The following EIF5B variants were observed in gnomAD, a reference collection of about 807,000 sequenced individuals.
EIF5B encodes eIF-5B.
EIF5B carries 47 observed loss-of-function variants against 147.5 expected under a neutral mutation model. That is an observed-to-expected ratio of 0.32 (90% confidence interval 0.25 to 0.41). The LOEUF is 0.41. Ranked by LOEUF, EIF5B falls within the 10% of genes least tolerant of loss-of-function variation. EIF5B has a pLI of 1.00. For missense variants in EIF5B, 1,064 were observed against 1,413.2 expected (o/e 0.75, Z 3.96); for synonymous variants, 455 against 456.2 (o/e 1.00, Z 0.03).
rs28382985 is a variant in EIF5B at position 99,399,150 on chromosome 2, A to G, written c.3556-157A>G. The G allele has an allele frequency of 4.4e-3, 3,455 of 791,760 alleles. 8 individuals carry two copies. Among genetic ancestry groups the G allele is most frequent in the Non-Finnish European group, 5.7e-3 (2,880 of 508,000 alleles). 49.0% of individuals were successfully genotyped at this position (791,760 alleles called of 1,614,324 possible). A position where few individuals can be genotyped will look rare whatever the true frequency, so the allele number is the denominator to read the frequency against. ...CCCTCGTGCCTGACATGCAAACCAGATGTGATTTTGGAATTCTACTCCCTT... is the reference window on the plus strand; with the variant it reads ...CCCTCGTGCCTGACATGCAAACCAGGTGTGATTTTGGAATTCTACTCCCTT... On this transcript the variant is annotated intron_variant, in intron 23 of 23. Coordinates refer to ENST00000289371, the MANE Select transcript of EIF5B (RefSeq NM_015904.4).
intron 9 of EIF5B, among the ~76,000 whole-genome samples, chr2:99,374,315 T>C (rs1436934923): frequency 6.8e-6 from 1 of 146,274 alleles, no homozygotes; most frequent in Non-Finnish European, 1.5e-5. Context: ...AAAAAAGATA[T>C]AATTTTTCTC....
chr2:99,377,027 C>A (rs1025307022), intron 10 of EIF5B, among the ~76,000 whole-genome samples: 1 of 152,094 alleles, frequency 6.6e-6, no homozygotes, highest in Non-Finnish European at 1.5e-5. Flanking sequence ...TTATATAAAT[C>A]TGGTGGGTTG....
chr2:99,379,009 TTA>T lies in EIF5B; in HGVS notation c.1843-8_1843-7del. 2.0e-6 allele frequency: 3 copies of T among 1,508,680 alleles called. No individual in the cohort carries two copies. The highest frequency in any genetic ancestry group is 2.3e-5 in the East Asian group (1 of 43,050). 93.5% of individuals were successfully genotyped at this position (1,508,680 alleles called of 1,614,324 possible). A position where few individuals can be genotyped will look rare whatever the true frequency, so the allele number is the denominator to read the frequency against. On this transcript the variant is annotated splice_polypyrimidine_tract_variant and splice_region_variant and intron_variant, in intron 10 of 23. Transcript: ENST00000289371. ...TTTAATTTTTGATTTTTTTTTTTTT[TTA>T]TTTCTAGAAACGGCGACTTGAACAT...
At chr2:99,396,224 T>C (rs1335097638) in intron 21 of EIF5B, among the ~76,000 whole-genome samples, 6 of 152,232 alleles carry the variant, frequency 3.9e-5, no homozygotes, top group African/African-American at 1.4e-4. Context: ...ACAAGACTGC[T>C]GGAAACTTTT....
At chr2:99,383,007 A>G (rs1277690693) in intron 14 of EIF5B, 86 bp downstream of exon 14, 2 of 1,375,090 alleles carry the variant, frequency 1.5e-6, no homozygotes, top group African/African-American at 2.9e-5. Flanking sequence ...TTAACTTACA[A>G]GCATAGCTCA....
At chr2:99,341,849 T>C (rs543120194) in intron 1 of EIF5B, among the ~76,000 whole-genome samples, 20 of 152,356 alleles carry the variant, frequency 1.3e-4, no homozygotes, top group African/African-American at 4.6e-4. Context: ...TATGACTTAA[T>C]AGAAGATAGA....
chr2:99,363,360 G>T (rs1674260264), intron 4 of EIF5B, among the ~76,000 whole-genome samples: 1 of 152,166 alleles, frequency 6.6e-6, no homozygotes, highest in Non-Finnish European at 1.5e-5. Flanking sequence ...TTAGGTACAG[G>T]ATTGCCCTTT....
At chr2:99,364,518 C>A (rs1574927371) in intron 6 of EIF5B, 97 bp downstream of exon 6, 1 of 1,188,396 alleles carries the variant, frequency 8.4e-7, no homozygotes, top group Non-Finnish European at 1.1e-6. Flanking sequence ...TGCATCAGGA[C>A]AGTTCCTATG....
intron 8 of EIF5B, among the ~76,000 whole-genome samples, chr2:99,370,387 CCTTTACA>C (rs1387284727): frequency 2.0e-5 from 3 of 152,146 alleles, no homozygotes; most frequent in African/African-American, 7.2e-5. Flanking sequence ...ATGGGAAAAG[CCTTTACA>C]GAATACTAAG....
Position 99,389,788 on chromosome 2 carries a change from A to C in EIF5B, c.2342A>C (p.Lys781Thr). 1 of 1,613,598 alleles carries C rather than the reference A, an allele frequency of 6.2e-7. No individual in the cohort carries two copies. The highest frequency in any genetic ancestry group is 8.5e-7 in the Non-Finnish European group (1 of 1,179,826). ...GCTGCTACTTTAAAGAAGCAGAAAA[A>C]GAATACAAAAGATGAATTTGAGGAG... is the stretch of plus-strand genomic sequence containing the variant. Reference protein sequence around the residue: ...DVAATLKKQKKNTKDEFEERA... With the variant: ...DVAATLKKQKTNTKDEFEERA... Residue 781 changes from lysine (K) to threonine (T), a missense_variant, in exon 15 of 24, where the codon AAG becomes ACG. Lys to Thr is a moderately conservative substitution (Grantham distance 78). Transcript: ENST00000289371.
At chr2:99,344,733 A>C (rs2094268910) in intron 1 of EIF5B, among the ~76,000 whole-genome samples, 1 of 152,118 alleles carries the variant, frequency 6.6e-6, no homozygotes. Context: ...CACTGCATCC[A>C]GCCGGCACCA....
chr2:99,390,215 C>T lies in EIF5B; in HGVS notation c.2404-4C>T. 2.5e-6 allele frequency: 4 copies of T among 1,613,724 alleles called. No individual in the cohort carries two copies. Among genetic ancestry groups the T allele is most frequent in the Non-Finnish European group, 2.5e-6 (3 of 1,179,816 alleles). ...CTGGCATTTTGGATGATTTTTGCTC[C>T]TAGGGTTTGAATGCTGCTTTGTTTT... On this transcript the variant is annotated splice_polypyrimidine_tract_variant and splice_region_variant and intron_variant, in intron 15 of 23. Coordinates refer to ENST00000289371, the MANE Select transcript of EIF5B (RefSeq NM_015904.4).
intron 1 of EIF5B, among the ~76,000 whole-genome samples, chr2:99,356,063 T>C (rs753534536): frequency 4.6e-5 from 7 of 152,276 alleles, no homozygotes; most frequent in Non-Finnish European, 7.3e-5. Flanking sequence ...ATCAATATTA[T>C]TAAGCGAAGT....
intron 1 of EIF5B, among the ~76,000 whole-genome samples, chr2:99,344,513 T>C (rs901811986): frequency 7.9e-5 from 12 of 151,876 alleles, no homozygotes; most frequent in Non-Finnish European, 1.5e-4. Context: ...CTCTGCTCAC[T>C]GCAACCTCCG....
intron 10 of EIF5B, among the ~76,000 whole-genome samples, chr2:99,377,616 C>T (rs1394587337): frequency 6.6e-6 from 1 of 152,028 alleles, no homozygotes; most frequent in African/African-American, 2.4e-5. Context: ...ACTGTGCTTG[C>T]TGATTAACAA....
chr2:99,398,778 G>C lies in EIF5B; in HGVS notation c.3424G>C (p.Glu1142Gln), dbSNP rs769226834. 48 of 1,613,654 alleles carry C rather than the reference G, an allele frequency of 3.0e-5. No individual in the cohort carries two copies. The East Asian group carries it at 1.0e-3, about 34-fold the overall frequency. Residue 1142 changes from glutamate (E) to glutamine (Q), a missense_variant, in exon 23 of 24, where the codon GAA becomes CAA. By Grantham distance (29) the Glu-to-Gln change is conservative. Coordinates refer to ENST00000289371, the MANE Select transcript of EIF5B (RefSeq NM_015904.4). Reference protein sequence around the residue: ...FVDIGIVTSIEINHKQVDVAK... With the variant: ...FVDIGIVTSIQINHKQVDVAK... ...TGACATCGGAATAGTAACAAGTATT[G>C]AAATAAACCATAAACAAGTGGATGT...
chr2:99,382,334 T>TA, intron 13 of EIF5B, 108 bp downstream of exon 13: 2 of 831,144 alleles, frequency 2.4e-6, no homozygotes, highest in Non-Finnish European at 3.9e-6. Context: ...TCTCTATAAC[T>TA]ACCACTCCAC....
intron 1 of EIF5B, among the ~76,000 whole-genome samples, chr2:99,344,471 C>G (rs1391094871): frequency 2.6e-5 from 4 of 151,296 alleles, no homozygotes; most frequent in African/African-American, 9.7e-5. Flanking sequence ...AAGTCTCACT[C>G]TGTCACCCAG....
intron 1 of EIF5B, among the ~76,000 whole-genome samples, chr2:99,338,971 T>TATACAA (rs1559240166): frequency 6.9e-5 from 10 of 145,004 alleles, no homozygotes; most frequent in South Asian, 2.1e-4. Flanking sequence ...TATAAATATA[T>TATACAA]ATATATACAA....
Sources: allele counts gnomAD v4.1 joint callset (sites outside exome capture counted in the v4.1 genomes callset), GRCh38; gene constraint gnomAD v4.1.1; transcripts MANE v1.5; gene names NCBI Gene and HGNC (gene_info 2026-07-23, HGNC 2026-07-21).